Variants in PABPC4L observed in about 807,000 individuals in gnomAD.
The protein encoded by PABPC4L is poly(A) binding protein cytoplasmic 4 like.
For synonymous variants in PABPC4L, 169 were observed against 164.1 expected (o/e 1.03, Z -0.23); for missense variants, 452 against 451.4 (o/e 1.00, Z -0.01).
At chr4:134,051,151 T>C in the PABPC4L span, among the ~76,000 whole-genome samples, 1 of 152,120 alleles carries the variant, frequency 6.6e-6, no homozygotes, top group East Asian at 1.9e-4. Context: ...TCTGTTCAAT[T>C]TCCATAACAG....
At chr4:134,111,944 A>C in the PABPC4L span, among the ~76,000 whole-genome samples, 1 of 152,050 alleles carries the variant, frequency 6.6e-6, no homozygotes, top group Admixed American at 6.6e-5. Flanking sequence ...GATAATTAGG[A>C]AAAGGTAACC....
chr4:134,074,472 A>G, the PABPC4L span, among the ~76,000 whole-genome samples: 1 of 152,096 alleles, frequency 6.6e-6, no homozygotes, highest in Non-Finnish European at 1.5e-5. Flanking sequence ...GGAAGTTTCA[A>G]ACTTTCCCAC....
the PABPC4L span, among the ~76,000 whole-genome samples, chr4:134,037,335 A>G: frequency 2.7e-4 from 41 of 152,038 alleles, 1 homozygote; most frequent in Admixed American, 2.7e-3. Context: ...AGTGTTTTAT[A>G]GTTCTCCTTG....
At chr4:134,143,746 C>T in the PABPC4L span, among the ~76,000 whole-genome samples, 78 of 151,252 alleles carry the variant, frequency 5.2e-4, no homozygotes, top group African/African-American at 1.3e-3. Context: ...AAACTTCAAA[C>T]GTTTTTAATA....
At chr4:134,007,342 A>T in the PABPC4L span, among the ~76,000 whole-genome samples, 1 of 147,724 alleles carries the variant, frequency 6.8e-6, no homozygotes, top group South Asian at 2.2e-4. Flanking sequence ...TTACTTTTTC[A>T]AAAAAAAAAT....
the PABPC4L span, among the ~76,000 whole-genome samples, chr4:134,004,191 A>G: frequency 7.9e-5 from 12 of 151,924 alleles, no homozygotes; most frequent in African/African-American, 2.9e-4. Context: ...GAAAATCAAC[A>G]GAGTAAAGAG....
the PABPC4L span, among the ~76,000 whole-genome samples, chr4:134,074,174 C>T: frequency 6.6e-6 from 1 of 152,282 alleles, no homozygotes; most frequent in Admixed American, 6.5e-5. Context: ...CTCTTGAATG[C>T]TTTGCCACTT....
At chr4:134,133,339 T>C in the PABPC4L span, among the ~76,000 whole-genome samples, 1 of 142,334 alleles carries the variant, frequency 7.0e-6, no homozygotes, top group Non-Finnish European at 1.5e-5. Context: ...TTTTATATAA[T>C]ATATAACCAT....
the PABPC4L span, among the ~76,000 whole-genome samples, chr4:134,095,436 A>G: frequency 2.0e-5 from 3 of 152,014 alleles, no homozygotes; most frequent in Admixed American, 2.0e-4. Context: ...TTCTATGGTC[A>G]TGTTAAACTT....
At chr4:134,022,734 C>T in the PABPC4L span, among the ~76,000 whole-genome samples, 136 of 152,016 alleles carry the variant, frequency 8.9e-4, no homozygotes, top group African/African-American at 3.2e-3. Context: ...TCCACATCAG[C>T]TTGAGGTGTA....
chr4:134,167,135 A>C, the PABPC4L span, among the ~76,000 whole-genome samples: 26 of 152,298 alleles, frequency 1.7e-4, no homozygotes, highest in Non-Finnish European at 3.1e-4. Context: ...TGCTAGATAC[A>C]TGGTATTATA....
At chr4:134,051,211 A>G in the PABPC4L span, among the ~76,000 whole-genome samples, 1 of 152,162 alleles carries the variant, frequency 6.6e-6, no homozygotes, top group African/African-American at 2.4e-5. Flanking sequence ...CAAGGTGAAA[A>G]GTAGGTCAAA....
At chr4:134,004,200 A>G in the PABPC4L span, among the ~76,000 whole-genome samples, 19 of 152,020 alleles carry the variant, frequency 1.2e-4, no homozygotes, top group Non-Finnish European at 1.8e-4. Context: ...CAGAGTAAAG[A>G]GGCAACCCGA....
chr4:133,984,560 C>G, the PABPC4L span, among the ~76,000 whole-genome samples: 6 of 151,872 alleles, frequency 4.0e-5, no homozygotes, highest in African/African-American at 1.2e-4. Flanking sequence ...TATATTTACA[C>G]TATCTCTGAA....
At chr4:134,053,357 C>T in the PABPC4L span, among the ~76,000 whole-genome samples, 20 of 152,074 alleles carry the variant, frequency 1.3e-4, no homozygotes, top group Admixed American at 2.0e-4. Flanking sequence ...TGAGATAGAG[C>T]AAGGTCTCCT....
At chr4:134,078,727 C>T in the PABPC4L span, among the ~76,000 whole-genome samples, 1 of 151,356 alleles carries the variant, frequency 6.6e-6, no homozygotes, top group Admixed American at 6.6e-5. Flanking sequence ...TCTCAACTCA[C>T]CACAACCTCC....
the PABPC4L span, among the ~76,000 whole-genome samples, chr4:133,959,460 G>A: frequency 1.3e-5 from 2 of 152,182 alleles, no homozygotes; most frequent in East Asian, 1.9e-4. Context: ...TCCAGAAAGA[G>A]TGAACTATAA....
chr4:134,159,280 C>A, the PABPC4L span, among the ~76,000 whole-genome samples: 1 of 152,114 alleles, frequency 6.6e-6, no homozygotes, highest in African/African-American at 2.4e-5. Flanking sequence ...AGTGACCACC[C>A]CCCTGTAGGA....
At position 134,199,958 on chromosome 4, in the gene PABPC4L, G is replaced by C; in HGVS notation, c.1062C>G (p.Gly354=). Residue 354 remains glycine, a synonymous_variant, in exon 2 of 2, where the codon GGC becomes GGG. Coordinates refer to ENST00000421491, the MANE Select transcript of PABPC4L (RefSeq NM_001114734.2). Reference sequence around the variant, plus strand: ...TAAGAGGTTTGGAGCCCAAGATGCGGCCATTCATCTCAGTCATTGCTTTAG... The same window carrying C: ...TAAGAGGTTTGGAGCCCAAGATGCGCCCATTCATCTCAGTCATTGCTTTAG... ...DATKAMTEMN[G]RILGSKPLSI... The C allele has an allele frequency of 6.4e-7, 1 of 1,551,600 alleles. No homozygotes were observed. The highest frequency in any genetic ancestry group is 2.4e-5 in the East Asian group (1 of 40,912).
Sources: allele counts gnomAD v4.1 joint callset (sites outside exome capture counted in the v4.1 genomes callset), GRCh38; gene constraint gnomAD v4.1.1; transcripts MANE v1.5; gene names NCBI Gene and HGNC (gene_info 2026-07-23, HGNC 2026-07-21).